PHLPP2: variants seen among roughly 807,000 people sequenced by gnomAD.
PHLPP2 encodes PH domain and leucine rich repeat protein phosphatase 2, also known as PH domain leucine-rich repeat-containing protein phosphatase 2.
In PHLPP2, 66 loss-of-function variants were observed where a neutral mutation model predicts 124.9. That is an observed-to-expected ratio of 0.53 (90% CI 0.43 to 0.65). The LOEUF (loss-of-function observed/expected upper bound fraction) is 0.65. PHLPP2 is among the 30% of genes least tolerant of loss of function. The pLI is 0.00. For synonymous variants in PHLPP2, 681 were observed against 624.7 expected (o/e 1.09, Z -1.34); for missense variants, 1,685 against 1,600.4 (o/e 1.05, Z -0.90).
intron 3 of PHLPP2, among the ~76,000 whole-genome samples, chr16:71,697,994 C>A (rs1484189155): frequency 6.6e-6 from 1 of 151,944 alleles, no homozygotes; most frequent in Admixed American, 6.6e-5. Flanking sequence ...ACTACAGGCA[C>A]CCGCCACCAC....
intron 2 of PHLPP2, among the ~76,000 whole-genome samples, chr16:71,708,499 T>A (rs2045299562): frequency 6.6e-6 from 1 of 152,224 alleles, no homozygotes; most frequent in Non-Finnish European, 1.5e-5. Context: ...TCAGCCCGCC[T>A]GCACCCATGT....
chr16:71,695,545 C>A (rs1185764721), intron 3 of PHLPP2, among the ~76,000 whole-genome samples: 2 of 152,086 alleles, frequency 1.3e-5, no homozygotes, highest in Non-Finnish European at 2.9e-5. Flanking sequence ...CCCGCCTCTA[C>A]TAAAAATACA....
chr16:71,721,121 C>T (rs2045395670), intron 1 of PHLPP2, among the ~76,000 whole-genome samples: 1 of 147,804 alleles, frequency 6.8e-6, no homozygotes, highest in Admixed American at 6.7e-5. Context: ...GCCTTTAAGC[C>T]CAGGAGTTGA....
intron 4 of PHLPP2, among the ~76,000 whole-genome samples, chr16:71,689,661 G>A (rs1597006430): frequency 1.3e-5 from 2 of 151,904 alleles, no homozygotes; most frequent in Admixed American, 6.6e-5. Flanking sequence ...GCCTCCCAAA[G>A]TGCTAGGATT....
chr16:71,671,487 C>T (rs1013677629), intron 10 of PHLPP2, among the ~76,000 whole-genome samples: 6 of 151,844 alleles, frequency 4.0e-5, no homozygotes, highest in East Asian at 1.9e-4. Flanking sequence ...AAAACTCTAC[C>T]GCTGAACCCA....
chr16:71,650,193 A>G, intron 18 of PHLPP2, 149 bp from the exon 19 acceptor site: 1 of 624,648 alleles, frequency 1.6e-6, no homozygotes, highest in Non-Finnish European at 2.7e-6. Flanking sequence ...GGATGCACAC[A>G]AATAAATGTA....
chr16:71,648,973 G>T lies in PHLPP2; in HGVS notation c.3889C>A (p.Gln1297Lys). The T allele has an allele frequency of 6.2e-7, 1 of 1,614,018 alleles. No homozygotes were observed. Among genetic ancestry groups the T allele is most frequent in the Non-Finnish European group, 8.5e-7 (1 of 1,180,010 alleles). Residue 1297 changes from glutamine to lysine, a missense_variant, in exon 19 of 19, where the codon CAG (glutamine) becomes AAG (lysine). Physicochemically the swap from Gln to Lys is moderately conservative, Grantham distance 53. Coordinates refer to ENST00000568954, the MANE Select transcript of PHLPP2 (RefSeq NM_015020.3). ...GGCTCGAGCCGGCTGTCCTGGTGCTGTTTCATTTGTTCCTTCACTTCTTCT... is the reference window on the plus strand; with the variant it reads ...GGCTCGAGCCGGCTGTCCTGGTGCTTTTTCATTTGTTCCTTCACTTCTTCT... Reference protein sequence around the residue: ...LEEEVKEQMKQHQDSRLEPEP... With the variant: ...LEEEVKEQMKKHQDSRLEPEP...
intron 16 of PHLPP2, 88 bp downstream of exon 16, chr16:71,656,483 T>A (rs192852911): frequency 1.4e-6 from 1 of 734,104 alleles, no homozygotes; most frequent in Non-Finnish European, 2.5e-6. Flanking sequence ...CAGAACAACA[T>A]GGCCTAGCTA....
intron 3 of PHLPP2, among the ~76,000 whole-genome samples, chr16:71,692,818 C>G (rs947515783): frequency 2.9e-4 from 12 of 42,018 alleles, no homozygotes; most frequent in East Asian, 5.3e-3. Flanking sequence ...CCATATTTTT[C>G]TTTGTTTTTT....
At chr16:71,707,680 G>C (rs569098798) in intron 2 of PHLPP2, among the ~76,000 whole-genome samples, 2 of 152,332 alleles carry the variant, frequency 1.3e-5, no homozygotes, top group East Asian at 3.9e-4. Flanking sequence ...ATTCCACTGG[G>C]AGAGGGTACA....
intron 9 of PHLPP2, among the ~76,000 whole-genome samples, chr16:71,674,398 T>A (rs1016269870): frequency 6.7e-4 from 101 of 151,178 alleles, no homozygotes; most frequent in African/African-American, 2.4e-3. Context: ...TTTTTTTTTT[T>A]AAAGAATTAA....
intron 2 of PHLPP2, among the ~76,000 whole-genome samples, chr16:71,705,572 T>A (rs892800900): frequency 6.6e-6 from 1 of 152,036 alleles, no homozygotes; most frequent in Non-Finnish European, 1.5e-5. Flanking sequence ...AGTGCAGTGG[T>A]GCGATCTTGG....
intron 9 of PHLPP2, 100 bp downstream of exon 9, chr16:71,676,347 T>C: frequency 2.4e-6 from 2 of 845,900 alleles, no homozygotes; most frequent in Non-Finnish European, 3.8e-6. Context: ...ACAAACCCCA[T>C]CCTGCAGAGT....
intron 12 of PHLPP2, among the ~76,000 whole-genome samples, chr16:71,665,435 T>C (rs2044830312): frequency 6.6e-6 from 1 of 152,212 alleles, no homozygotes; most frequent in Non-Finnish European, 1.5e-5. Flanking sequence ...ATGGTATAAT[T>C]TTAAAATTTG....
intron 2 of PHLPP2, among the ~76,000 whole-genome samples, chr16:71,706,590 T>A (rs1350015451): frequency 6.6e-6 from 1 of 152,110 alleles, no homozygotes; most frequent in Admixed American, 6.6e-5. Context: ...TAGATAATAA[T>A]ACAAATAGAA....
intron 4 of PHLPP2, among the ~76,000 whole-genome samples, chr16:71,687,459 T>C (rs1029021842): frequency 2.6e-5 from 4 of 152,246 alleles, no homozygotes; most frequent in African/African-American, 9.6e-5. Flanking sequence ...TTATGTCTCT[T>C]ATGAACAGCA....
intron 10 of PHLPP2, among the ~76,000 whole-genome samples, chr16:71,669,653 T>C (rs1311726290): frequency 6.6e-6 from 1 of 152,192 alleles, no homozygotes; most frequent in Non-Finnish European, 1.5e-5. Flanking sequence ...AAAAGCACAC[T>C]TGTGGTGGGA....
At chr16:71,673,969 T>C (rs568302683) in intron 9 of PHLPP2, among the ~76,000 whole-genome samples, 3 of 152,308 alleles carry the variant, frequency 2.0e-5, no homozygotes, top group Admixed American at 1.3e-4. Flanking sequence ...CTTTTATCTG[T>C]ATAATCTAGT....
At chr16:71,711,095 C>T (rs1040614061) in intron 2 of PHLPP2, among the ~76,000 whole-genome samples, 4 of 151,850 alleles carry the variant, frequency 2.6e-5, no homozygotes, top group African/African-American at 9.7e-5. Context: ...TTTGGGAGGC[C>T]GAGGCGGGCA....
Sources: gnomAD v4.1 joint callset for allele counts (sites outside exome capture counted in the v4.1 genomes callset) on GRCh38, gnomAD v4.1.1 for gene constraint, MANE v1.5 for transcripts, NCBI Gene and HGNC (gene_info 2026-07-23, HGNC 2026-07-21) for gene names.